Variants in THSD4 observed in about 807,000 individuals in gnomAD.
The protein encoded by THSD4 is thrombospondin type 1 domain containing 4.
A neutral mutation model predicts 119.0 loss-of-function variants in THSD4; 69 were observed. That is an observed-to-expected ratio of 0.58 (90% CI 0.48 to 0.71). THSD4 has a LOEUF of 0.71. Ranked by LOEUF, THSD4 falls within the 30% of genes least tolerant of loss-of-function variation. The probability of loss-of-function intolerance (pLI) is 0.00; values close to 1 mark genes in which losing one functional copy is unlikely to be tolerated. For synonymous variants in THSD4, 524 were observed against 540.4 expected (o/e 0.97, Z 0.42); for missense variants, 1,393 against 1,391.1 (o/e 1.00, Z -0.02).
At chr15:71,398,905 G>A (rs2046486392) in intron 6 of THSD4, among the ~76,000 whole-genome samples, 1 of 152,026 alleles carries the variant, frequency 6.6e-6, no homozygotes. Context: ...CCATAGGAGG[G>A]AGGCTTCCTT....
chr15:71,584,952 T>C (rs1429401741), intron 7 of THSD4, among the ~76,000 whole-genome samples: 1 of 151,968 alleles, frequency 6.6e-6, no homozygotes, highest in East Asian at 1.9e-4. Context: ...CAAGCTTTGA[T>C]TGAATTTAAA....
intron 7 of THSD4, among the ~76,000 whole-genome samples, chr15:71,659,016 A>G (rs1204601655): frequency 6.6e-6 from 1 of 152,214 alleles, no homozygotes; most frequent in African/African-American, 2.4e-5. Flanking sequence ...CTACCTGAAG[A>G]GACCCAGGGT....
chr15:71,285,972 G>A (rs2044712841), intron 6 of THSD4, among the ~76,000 whole-genome samples: 1 of 148,588 alleles, frequency 6.7e-6, no homozygotes, highest in African/African-American at 2.5e-5. Flanking sequence ...TAATACTCAG[G>A]TTTTTTTCTA....
intron 8 of THSD4, among the ~76,000 whole-genome samples, chr15:71,673,597 G>T (rs1433447704): frequency 2.0e-5 from 3 of 152,120 alleles, no homozygotes; most frequent in Middle Eastern, 3.2e-3. Context: ...GTCAATTTTA[G>T]ATCTTTCCTG....
At chr15:71,400,910 A>G (rs1318446381) in intron 6 of THSD4, among the ~76,000 whole-genome samples, 1 of 152,134 alleles carries the variant, frequency 6.6e-6, no homozygotes, top group Admixed American at 6.6e-5. Flanking sequence ...TGAAGTTTGA[A>G]TGGATCTGCA....
intron 8 of THSD4, among the ~76,000 whole-genome samples, chr15:71,702,117 G>A (rs2052302116): frequency 6.6e-6 from 1 of 152,026 alleles, no homozygotes; most frequent in Non-Finnish European, 1.5e-5. Context: ...TCCTCCTTAT[G>A]GGTCAGGTGC....
chr15:71,127,765 T>C (rs2141358596), intron 1 of THSD4, among the ~76,000 whole-genome samples: 1 of 152,348 alleles, frequency 6.6e-6, no homozygotes, highest in East Asian at 1.9e-4. Context: ...TTGGGTTTTT[T>C]ATTTTCTTAC....
At chr15:71,530,135 A>G (rs1296738942) in intron 7 of THSD4, among the ~76,000 whole-genome samples, 5 of 149,076 alleles carry the variant, frequency 3.4e-5, no homozygotes, top group African/African-American at 9.9e-5. Flanking sequence ...TGGGGGAAGA[A>G]AATGAAACAC....
At chr15:71,466,382 G>A (rs1235393465) in intron 7 of THSD4, among the ~76,000 whole-genome samples, 2 of 150,196 alleles carry the variant, frequency 1.3e-5, no homozygotes, top group Non-Finnish European at 3.0e-5. Flanking sequence ...CCCAGGAGAA[G>A]CTGTAACAGA....
intron 6 of THSD4, among the ~76,000 whole-genome samples, chr15:71,328,618 G>A (rs1392259183): frequency 6.6e-6 from 1 of 152,168 alleles, no homozygotes; most frequent in Non-Finnish European, 1.5e-5. Context: ...ATGACTTGCT[G>A]AATTGTTTCA....
At chr15:71,476,255 A>G (rs10162911) in intron 7 of THSD4, among the ~76,000 whole-genome samples, 119,474 of 152,130 alleles carry the variant, frequency 0.79, 47,051 homozygotes, top group Admixed American at 0.8. Flanking sequence ...TTTTTGAGGC[A>G]GAGTCTCGTG....
At chr15:71,407,649 G>A (rs1460017913) in intron 6 of THSD4, among the ~76,000 whole-genome samples, 2 of 151,472 alleles carry the variant, frequency 1.3e-5, no homozygotes, top group Non-Finnish European at 2.9e-5. Context: ...CCAAATACCG[G>A]GTAATATCCT....
At chr15:71,097,508 G>A (rs563614038) in intron 1 of THSD4, among the ~76,000 whole-genome samples, 28 of 151,092 alleles carry the variant, frequency 1.9e-4, no homozygotes, top group Middle Eastern at 6.8e-3. Flanking sequence ...CAAGGTTGCC[G>A]TCAGCCAAGA....
At chr15:71,412,507 T>C (rs1362474627) in intron 7 of THSD4, among the ~76,000 whole-genome samples, 1 of 152,172 alleles carries the variant, frequency 6.6e-6, no homozygotes, top group Non-Finnish European at 1.5e-5. Context: ...TACCCTCCTT[T>C]CATCTACGTA....
intron 1 of THSD4, among the ~76,000 whole-genome samples, chr15:71,123,582 T>C (rs1346034557): frequency 6.6e-6 from 1 of 152,022 alleles, no homozygotes; most frequent in Non-Finnish European, 1.5e-5. Context: ...CGGGGAGTAA[T>C]AGTATACTTA....
intron 7 of THSD4, among the ~76,000 whole-genome samples, chr15:71,501,801 A>G (rs574950886): frequency 1.3e-5 from 2 of 152,182 alleles, no homozygotes; most frequent in Non-Finnish European, 2.9e-5. Context: ...CAGCACACCC[A>G]TTGTTTTCTT....
chr15:71,703,872 C>T (rs760370585), intron 8 of THSD4, among the ~76,000 whole-genome samples: 2 of 152,158 alleles, frequency 1.3e-5, no homozygotes, highest in Non-Finnish European at 2.9e-5. Context: ...GTTTTTGAGA[C>T]AGAGTCTTGC....
At chr15:71,588,882 C>A (rs975713350) in intron 7 of THSD4, among the ~76,000 whole-genome samples, 1 of 152,104 alleles carries the variant, frequency 6.6e-6, no homozygotes, top group Admixed American at 6.5e-5. Flanking sequence ...AAGACAGGAA[C>A]AAGCAATGTG....
At chr15:71,431,362 C>G (rs2046941191) in intron 7 of THSD4, among the ~76,000 whole-genome samples, 1 of 152,080 alleles carries the variant, frequency 6.6e-6, no homozygotes, top group Admixed American at 6.5e-5. Flanking sequence ...TAGCAGAGGT[C>G]TATATTTCAG....
Sources: gnomAD v4.1 joint callset for allele counts (sites outside exome capture counted in the v4.1 genomes callset) on GRCh38, gnomAD v4.1.1 for gene constraint, MANE v1.5 for transcripts, NCBI Gene and HGNC (gene_info 2026-07-23, HGNC 2026-07-21) for gene names.